The following RASEF variants were observed in gnomAD, a reference collection of about 807,000 sequenced individuals.
The protein encoded by RASEF is RAS and EF-hand domain containing, also known as ras and EF-hand domain-containing protein.
In RASEF, 68 loss-of-function variants were observed where a neutral mutation model predicts 90.1. That is an observed-to-expected ratio of 0.75 (90% CI 0.62 to 0.92). The LOEUF (loss-of-function observed/expected upper bound fraction) is 0.92, where lower values mean the gene tolerates loss of function less well. Ranked by LOEUF, RASEF falls within the 40% of genes least tolerant of loss-of-function variation. The pLI is 0.00. For synonymous variants in RASEF, 331 were observed against 345.2 expected (o/e 0.96, Z 0.46); for missense variants, 949 against 937.2 (o/e 1.01, Z -0.16).
chr9:83,134,358 G>A, the RASEF span, among the ~76,000 whole-genome samples: 7 of 149,986 alleles, frequency 4.7e-5, no homozygotes, highest in Admixed American at 1.3e-4. Flanking sequence ...CACTGATTGC[G>A]AACAGATTCT....
At chr9:83,038,336 T>A (rs1203716831) in intron 1 of RASEF, among the ~76,000 whole-genome samples, 1 of 152,092 alleles carries the variant, frequency 6.6e-6, no homozygotes, top group African/African-American at 2.4e-5. Flanking sequence ...TACTCTACAA[T>A]TATAGTTCAA....
chr9:82,996,577 A>G (rs867730542), intron 14 of RASEF, among the ~76,000 whole-genome samples: 21 of 152,142 alleles, frequency 1.4e-4, no homozygotes, highest in African/African-American at 4.6e-4. Flanking sequence ...GAGCTCCCAT[A>G]CAATTTGAAA....
the RASEF span, among the ~76,000 whole-genome samples, chr9:83,072,126 C>T: frequency 2.0e-5 from 3 of 152,118 alleles, no homozygotes; most frequent in Non-Finnish European, 4.4e-5. Flanking sequence ...CAGCTCAGTC[C>T]ACCCTATTGA....
intron 1 of RASEF, among the ~76,000 whole-genome samples, chr9:83,040,973 G>T (rs369160729): frequency 2.4e-4 from 36 of 152,252 alleles, no homozygotes; most frequent in African/African-American, 8.7e-4. Context: ...CGATTCTCCC[G>T]CCTCAGCCTC....
chr9:83,157,248 A>G, the RASEF span, among the ~76,000 whole-genome samples: 1 of 152,244 alleles, frequency 6.6e-6, no homozygotes, highest in African/African-American at 2.4e-5. Context: ...TAGCAGTTCT[A>G]CAAGTAGTAA....
At chr9:83,141,803 G>A in the RASEF span, among the ~76,000 whole-genome samples, 1 of 152,200 alleles carries the variant, frequency 6.6e-6, no homozygotes, top group Non-Finnish European at 1.5e-5. Flanking sequence ...TTGAGGTCAC[G>A]ACTGGAAAAA....
chr9:83,125,215 G>A, the RASEF span, among the ~76,000 whole-genome samples: 6 of 152,158 alleles, frequency 3.9e-5, no homozygotes, highest in South Asian at 8.3e-4. Context: ...GCTCTCCTCC[G>A]CACATCACCA....
the RASEF span, among the ~76,000 whole-genome samples, chr9:83,187,314 T>C: frequency 6.6e-6 from 1 of 152,226 alleles, no homozygotes; most frequent in Non-Finnish European, 1.5e-5. Flanking sequence ...TGGCCACTTC[T>C]GTCTGCCATC....
At chr9:83,114,768 G>A in the RASEF span, among the ~76,000 whole-genome samples, 1 of 152,162 alleles carries the variant, frequency 6.6e-6, no homozygotes, top group African/African-American at 2.4e-5. Flanking sequence ...CAGACCGGTT[G>A]TCTGTTCTCA....
chr9:83,033,849 T>C (rs902534199), intron 1 of RASEF, among the ~76,000 whole-genome samples: 1 of 152,168 alleles, frequency 6.6e-6, no homozygotes, highest in Non-Finnish European at 1.5e-5. Flanking sequence ...TCTTTTTGGG[T>C]AAGAACAAGG....
chr9:83,128,742 T>G, the RASEF span, among the ~76,000 whole-genome samples: 1 of 152,228 alleles, frequency 6.6e-6, no homozygotes, highest in East Asian at 1.9e-4. Flanking sequence ...ATAACACAAG[T>G]GGGCTGGGGC....
At chr9:83,092,519 C>T in the RASEF span, among the ~76,000 whole-genome samples, 6 of 151,760 alleles carry the variant, frequency 4.0e-5, no homozygotes, top group South Asian at 8.3e-4. Flanking sequence ...TCGTTCCTCC[C>T]GGTGGGCTTG....
chr9:82,983,780 G>A (rs1379694114), intron 16 of RASEF, among the ~76,000 whole-genome samples: 2 of 152,224 alleles, frequency 1.3e-5, no homozygotes, highest in Non-Finnish European at 2.9e-5. Context: ...CAGGGTTCAA[G>A]GAGTCCAGGG....
At chr9:83,207,163 GTCTATCAC>G in the RASEF span, among the ~76,000 whole-genome samples, 5 of 139,600 alleles carry the variant, frequency 3.6e-5, no homozygotes, top group African/African-American at 1.7e-4. Context: ...CTCCAAGAGA[GTCTATCAC>G]GGACATTCTG....
chr9:83,172,640 A>C, the RASEF span, among the ~76,000 whole-genome samples: 1 of 151,918 alleles, frequency 6.6e-6, no homozygotes, highest in African/African-American at 2.4e-5. Context: ...ATAATGAAAA[A>C]AACTTTAAAA....
the RASEF span, among the ~76,000 whole-genome samples, chr9:83,078,902 G>A: frequency 6.6e-6 from 1 of 152,080 alleles, no homozygotes; most frequent in Non-Finnish European, 1.5e-5. Flanking sequence ...GCAGTTGTTT[G>A]TTTTTCTCTT....
chr9:83,025,179 G>A (rs73469432), intron 2 of RASEF, among the ~76,000 whole-genome samples: 4,494 of 152,228 alleles, frequency 0.03, 203 homozygotes, highest in African/African-American at 0.1. Flanking sequence ...CTGTATTAGA[G>A]TAAGAGTTTA....
chr9:83,211,299 C>T, the RASEF span, among the ~76,000 whole-genome samples: 1 of 151,840 alleles, frequency 6.6e-6, no homozygotes, highest in Non-Finnish European at 1.5e-5. Context: ...ATTTTTAGAG[C>T]ACCAATAACA....
rs1830235851 is a variant in RASEF at position 83,062,732 on chromosome 9, C to A, written c.136G>T (p.Asp46Tyr). The A allele has an allele frequency of 1.3e-6, 2 of 1,571,256 alleles. No homozygotes were observed. The highest frequency in any genetic ancestry group is 1.7e-6 in the Non-Finnish European group (2 of 1,167,306). ...LCTELRVRPADAEAVFQRLDA... is the reference protein window; with the variant it reads ...LCTELRVRPAYAEAVFQRLDA... ...AGCCGCTGGAATACTGCCTCGGCGT[C>A]GGCCGGCCGCACCCGCAGCTCCGTG... The change falls in exon 1 of 17, where the codon GAC (aspartate) becomes TAC (tyrosine). Residue 46 changes from aspartate (D) to tyrosine (Y), a missense_variant. Physicochemically the swap from Asp to Tyr is radical, Grantham distance 160. This residue lies in a region of RASEF where 656 missense variants were observed against 592.2 expected (regional missense o/e 1.11). Transcript: ENST00000376447.
Sources: allele counts gnomAD v4.1 joint callset (sites outside exome capture counted in the v4.1 genomes callset), GRCh38; gene constraint gnomAD v4.1.1; regional missense constraint gnomAD v4.1.1; transcripts MANE v1.5; gene names NCBI Gene and HGNC (gene_info 2026-07-23, HGNC 2026-07-21).